The following DMBT1 variants were observed in gnomAD, a reference collection of about 807,000 sequenced individuals.
DMBT1 encodes scavenger receptor cysteine-rich domain-containing protein DMBT1.
In DMBT1, 198 loss-of-function variants were observed where a neutral mutation model predicts 252.9. The observed-to-expected ratio is 0.78, with a 90% confidence interval of 0.70 to 0.88. The LOEUF is 0.88. Among genes scored for constraint, DMBT1 ranks in the 40% least tolerant of loss-of-function variants. The probability of loss-of-function intolerance (pLI) is 0.00; values close to 1 mark genes in which losing one functional copy is unlikely to be tolerated. For synonymous variants in DMBT1, 990 were observed against 942.7 expected (o/e 1.05, Z -0.92); for missense variants, 2,432 against 2,404.7 (o/e 1.01, Z -0.24).
chr10:122,620,519 G>T (rs781387038), intron 43 of DMBT1, among the ~76,000 whole-genome samples: 4 of 152,192 alleles, frequency 2.6e-5, no homozygotes, highest in Admixed American at 2.6e-4. Flanking sequence ...AGTCAGGAAA[G>T]ATCCTCAGCC....
intron 43 of DMBT1, among the ~76,000 whole-genome samples, chr10:122,620,571 G>A (rs1006244761): frequency 6.6e-6 from 1 of 152,190 alleles, no homozygotes; most frequent in African/African-American, 2.4e-5. Context: ...TAATCCTACT[G>A]GGACCTTGTT....
Position 122,598,817 on chromosome 10 carries a change from C to T in DMBT1, c.3000C>T (p.Asp1000=). 1 of 1,613,544 alleles carries T rather than the reference C, an allele frequency of 6.2e-7. No homozygotes were observed. ...CCCTGAGGCTGGTGAATGGAGGTGACAGGTGTCAGGGCCGAGTGGAGGTCC... is the reference window on the plus strand; with the variant it reads ...CCCTGAGGCTGGTGAATGGAGGTGATAGGTGTCAGGGCCGAGTGGAGGTCC... ...SLALRLVNGG[D]RCQGRVEVLY... is the part of the protein sequence containing the mutation. The change falls in exon 26 of 56, where the codon GAC becomes GAT. Residue 1000 remains aspartate, a synonymous_variant. Coordinates refer to ENST00000338354, the MANE Select transcript of DMBT1 (RefSeq NM_001377530.1).
At chr10:122,637,951 G>A (rs1843772685) in intron 54 of DMBT1, among the ~76,000 whole-genome samples, 1 of 152,140 alleles carries the variant, frequency 6.6e-6, no homozygotes, top group African/African-American at 2.4e-5. Context: ...CAGGCTTGAA[G>A]GTGGCTGCAA....
Position 122,590,660 on chromosome 10 carries a change from C to G in DMBT1, c.2108-5C>G. ...GCATCTGATCTGACCTCCTCTTTCT[C>G]ACAGCTGCCCAGTCCCGGTCGACGC... On this transcript the variant is annotated splice_polypyrimidine_tract_variant and splice_region_variant and intron_variant, in intron 17 of 55. Transcript: ENST00000338354. The G allele has an allele frequency of 6.3e-7, 1 of 1,587,920 alleles. No homozygotes were observed. Among genetic ancestry groups the G allele is most frequent in the Non-Finnish European group, 8.6e-7 (1 of 1,165,398 alleles).
At chr10:122,563,997 G>C (rs564277951) in intron 1 of DMBT1, among the ~76,000 whole-genome samples, 1 of 152,222 alleles carries the variant, frequency 6.6e-6, no homozygotes, top group African/African-American at 2.4e-5. Flanking sequence ...TGTCAGAAAA[G>C]AGGTGGGGAT....
rs1371422916 is a variant in DMBT1 at position 122,619,354 on chromosome 10, C to G, written c.5245+17C>G. ...CCAGGCCAGGTGAGTCCCCAGCATC[C>G]TTCATCGGGATGTCCCTTCTCTTTC... On this transcript the variant is annotated intron_variant, in intron 42 of 55. Coordinates refer to ENST00000338354, the MANE Select transcript of DMBT1 (RefSeq NM_001377530.1). 8 of 1,613,974 alleles carry G rather than the reference C, an allele frequency of 5.0e-6. No homozygotes were observed. The highest frequency in any genetic ancestry group is 6.8e-6 in the Non-Finnish European group (8 of 1,179,858).
chr10:122,573,614 C>A (rs1022595257), intron 5 of DMBT1, 101 bp from the exon 6 acceptor site: 17 of 1,418,548 alleles, frequency 1.2e-5, no homozygotes, highest in Non-Finnish European at 1.7e-5. Context: ...GCCCTTAGGA[C>A]CTGTGCTTCC....
chr10:122,642,192 C>A (rs1844681171), intron 55 of DMBT1, among the ~76,000 whole-genome samples: 1 of 150,242 alleles, frequency 6.7e-6, no homozygotes, highest in African/African-American at 2.5e-5. Flanking sequence ...AAAACAAAAA[C>A]AAAAAAGAAA....
rs867250545 is a variant in DMBT1, at chr10:122,585,448, G to A, written c.1459+139G>A. On this transcript the variant is annotated intron_variant, in intron 15 of 55. Coordinates refer to ENST00000338354, the MANE Select transcript of DMBT1 (RefSeq NM_001377530.1). ...GTGGGTTGCATGGGAGGAAGGTAGAGTCTCTGGGGACCCAGCTGTGGGTCT... is the reference window on the plus strand; with the variant it reads ...GTGGGTTGCATGGGAGGAAGGTAGAATCTCTGGGGACCCAGCTGTGGGTCT... 4 of 1,170,410 alleles carry A rather than the reference G, an allele frequency of 3.4e-6. No homozygotes were observed. The African/African-American group carries it at 4.4e-5, about 13-fold the overall frequency. 72.5% of individuals were successfully genotyped at this position (1,170,410 alleles called of 1,614,324 possible). A position where few individuals can be genotyped will look rare whatever the true frequency, so the allele number is the denominator to read the frequency against.
rs146052572 is a variant in DMBT1 at position 122,619,629 on chromosome 10, A to C, written c.5245+292A>C. On this transcript the variant is annotated intron_variant, in intron 42 of 55. Transcript: ENST00000338354. ...CCTCATGTTTAATGAGCTTTAGCTC[A>C]TTTATATTCAGAGCTGATACAACCT... Among the ~76,000 whole-genome samples, 485 of 152,354 alleles carry C rather than the reference A, an allele frequency of 3.2e-3. 2 individuals carry two copies. The highest frequency in any genetic ancestry group is 0.011 in the African/African-American group (441 of 41,590).
intron 8 of DMBT1, among the ~76,000 whole-genome samples, chr10:122,578,085 A>T (rs2097728818): frequency 6.6e-6 from 1 of 152,212 alleles, no homozygotes; most frequent in African/African-American, 2.4e-5. Flanking sequence ...AACAACTCTT[A>T]GAAGTTCAGA....
rs766102643 is a variant in DMBT1, at chr10:122,578,703, T to C, written c.638-15T>C. The C allele has an allele frequency of 9.9e-5, 158 of 1,603,478 alleles. No homozygotes were observed. The highest frequency in any genetic ancestry group is 1.6e-4 in the Middle Eastern group (1 of 6,064). ...CAAGTCCAATTGTATCCTTTCTCTT[T>C]GTTGCTGTTTACAGAAAGTTGGCCT... On this transcript the variant is annotated splice_polypyrimidine_tract_variant and intron_variant, in intron 8 of 55. Coordinates refer to ENST00000338354, the MANE Select transcript of DMBT1 (RefSeq NM_001377530.1).
At chr10:122,633,642 T>C (rs2098185283) in intron 52 of DMBT1, among the ~76,000 whole-genome samples, 1 of 152,184 alleles carries the variant, frequency 6.6e-6, no homozygotes, top group Admixed American at 6.5e-5. Context: ...CACTCAACTT[T>C]CCTGAGCCTC....
intron 1 of DMBT1, among the ~76,000 whole-genome samples, chr10:122,564,295 G>A (rs1017312345): frequency 6.6e-6 from 1 of 152,150 alleles, no homozygotes; most frequent in Non-Finnish European, 1.5e-5. Context: ...ACTGCTCTCA[G>A]GACCCACATT....
chr10:122,640,113 C>T lies in DMBT1; in HGVS notation c.7016C>T (p.Thr2339Ile). The change falls in exon 55 of 56, where the codon ACA becomes ATA. Residue 2339 changes from threonine (T) to isoleucine (I), a missense_variant. By Grantham distance (89) the Thr-to-Ile change is moderately conservative. Coordinates refer to ENST00000338354, the MANE Select transcript of DMBT1 (RefSeq NM_001377530.1). ...TCAGGTGGCATCATCAAGAGGAGGA[C>T]AGACCTCCGTATTCACGTCAGCTGC... is the stretch of plus-strand genomic sequence containing the variant. ...AVSGGIIKRR[T>I]DLRIHVSCRM... is the part of the protein sequence containing the mutation. The T allele has an allele frequency of 6.2e-7, 1 of 1,614,074 alleles. No homozygotes were observed.
rs901652867 is a variant in DMBT1, at chr10:122,600,753, A to G, written c.3311-238A>G. On this transcript the variant is annotated intron_variant, in intron 27 of 55. Coordinates refer to ENST00000338354, the MANE Select transcript of DMBT1 (RefSeq NM_001377530.1). Reference sequence around the variant, plus strand: ...GGATGGCATGGTGGGGGCATCCTCTAAGAGATAGAAAGATACCCCAGGATT... The same window carrying G: ...GGATGGCATGGTGGGGGCATCCTCTGAGAGATAGAAAGATACCCCAGGATT... Among the ~76,000 whole-genome samples the G allele has an allele frequency of 7.2e-5, 11 of 152,124 alleles. 1 individual carries two copies. Among genetic ancestry groups the G allele is most frequent in the African/African-American group, 2.4e-4 (10 of 41,440 alleles).
intron 46 of DMBT1, among the ~76,000 whole-genome samples, chr10:122,627,564 G>C (rs1415280407): frequency 6.6e-6 from 1 of 152,084 alleles, no homozygotes; most frequent in Non-Finnish European, 1.5e-5. Flanking sequence ...TAATTGTGGG[G>C]CAAAAACATT....
intron 41 of DMBT1, among the ~76,000 whole-genome samples, chr10:122,618,891 C>T (rs904264966): frequency 6.6e-6 from 1 of 152,230 alleles, no homozygotes; most frequent in African/African-American, 2.4e-5. Flanking sequence ...ACTGCCTGTG[C>T]CCCAGGTCTG....
In DMBT1 at chr10:122,590,651, C is replaced by T. The variant is rs1252697626; in HGVS notation, c.2108-14C>T. 4 of 1,587,728 alleles carry T rather than the reference C, an allele frequency of 2.5e-6. No individual in the cohort carries two copies. The African/African-American group carries it at 5.4e-5, about 21-fold the overall frequency. On this transcript the variant is annotated splice_polypyrimidine_tract_variant and intron_variant, in intron 17 of 55. Transcript: ENST00000338354. ...CTGTATAGTGCATCTGATCTGACCTCCTCTTTCTCACAGCTGCCCAGTCCC... is the reference window on the plus strand; with the variant it reads ...CTGTATAGTGCATCTGATCTGACCTTCTCTTTCTCACAGCTGCCCAGTCCC...
Sources: allele counts gnomAD v4.1 joint callset (sites outside exome capture counted in the v4.1 genomes callset), GRCh38; gene constraint gnomAD v4.1.1; transcripts MANE v1.5; gene names NCBI Gene and HGNC (gene_info 2026-07-23, HGNC 2026-07-21).